The following LYPLAL1 variants were observed in gnomAD, a reference collection of about 807,000 sequenced individuals.
LYPLAL1 encodes lysophospholipase like 1.
LYPLAL1 carries 23 observed loss-of-function variants against 19.7 expected under a neutral mutation model. The observed-to-expected ratio is 1.17, with a 90% CI of 0.84 to 1.65. The LOEUF (loss-of-function observed/expected upper bound fraction) is 1.65, where lower values mean the gene tolerates loss of function less well. Among genes scored for constraint, LYPLAL1 ranks in the 40% most tolerant of loss-of-function variants. LYPLAL1 has a pLI of 0.00. For missense variants in LYPLAL1, 355 were observed against 279.4 expected, an observed-to-expected ratio of 1.27 and a Z score of -1.93; for synonymous variants, 119 against 96.3, an observed-to-expected ratio of 1.24 and a Z score of -1.38.
the LYPLAL1 span, among the ~76,000 whole-genome samples, chr1:219,348,214 T>C: frequency 6.6e-6 from 1 of 152,226 alleles, no homozygotes; most frequent in Non-Finnish European, 1.5e-5. Context: ...CAAACCCCAC[T>C]TCCACAGTGC....
chr1:219,402,807 G>C, the LYPLAL1 span, among the ~76,000 whole-genome samples: 1 of 152,120 alleles, frequency 6.6e-6, no homozygotes, highest in Non-Finnish European at 1.5e-5. Flanking sequence ...ATGTAATCGT[G>C]AGAATAAGGA....
chr1:219,298,766 T>C, the LYPLAL1 span, among the ~76,000 whole-genome samples: 5 of 152,242 alleles, frequency 3.3e-5, no homozygotes, highest in African/African-American at 1.2e-4. Context: ...CTTGAGGTCA[T>C]TCTTTCTTTT....
chr1:219,420,044 A>G, the LYPLAL1 span, among the ~76,000 whole-genome samples: 1 of 152,212 alleles, frequency 6.6e-6, no homozygotes, highest in Non-Finnish European at 1.5e-5. Context: ...TTTATTATCT[A>G]CAGAACTTGG....
chr1:219,256,364 T>C, the LYPLAL1 span, among the ~76,000 whole-genome samples: 1 of 151,960 alleles, frequency 6.6e-6, no homozygotes, highest in Admixed American at 6.6e-5. Context: ...TCTCTTATTA[T>C]ATTTTGAATA....
the LYPLAL1 span, among the ~76,000 whole-genome samples, chr1:219,243,842 C>T: frequency 6.7e-6 from 1 of 150,118 alleles, no homozygotes; most frequent in East Asian, 2.0e-4. Context: ...TCGCTTGAAC[C>T]TGGGAGGCAG....
At chr1:219,303,032 A>G in the LYPLAL1 span, among the ~76,000 whole-genome samples, 7 of 152,218 alleles carry the variant, frequency 4.6e-5, no homozygotes, top group Non-Finnish European at 8.8e-5. Context: ...AAATAGGTCT[A>G]TTCACTCTGT....
At chr1:219,280,024 C>G in the LYPLAL1 span, among the ~76,000 whole-genome samples, 1 of 152,142 alleles carries the variant, frequency 6.6e-6, no homozygotes, top group Non-Finnish European at 1.5e-5. Context: ...AACGTTTCAA[C>G]TTGTTTCACC....
chr1:219,252,108 T>C, the LYPLAL1 span, among the ~76,000 whole-genome samples: 1 of 152,140 alleles, frequency 6.6e-6, no homozygotes, highest in Non-Finnish European at 1.5e-5. Flanking sequence ...TTTATAGGAA[T>C]GCTACTGATT....
At chr1:219,386,280 G>A in the LYPLAL1 span, among the ~76,000 whole-genome samples, 8 of 152,158 alleles carry the variant, frequency 5.3e-5, no homozygotes, top group Non-Finnish European at 7.4e-5. Context: ...TTGGATTACT[G>A]TAGAGAAGAG....
the LYPLAL1 span, among the ~76,000 whole-genome samples, chr1:219,283,950 T>G: frequency 2.0e-5 from 3 of 152,180 alleles, no homozygotes. Flanking sequence ...GGTTTGGCTC[T>G]GTGTTCCCAC....
the LYPLAL1 span, among the ~76,000 whole-genome samples, chr1:219,358,196 C>T: frequency 6.6e-6 from 1 of 152,030 alleles, no homozygotes; most frequent in East Asian, 1.9e-4. Context: ...AGGATTGCAT[C>T]CAGAATGCTA....
chr1:219,219,279 C>T, the LYPLAL1 span, among the ~76,000 whole-genome samples: 1 of 152,146 alleles, frequency 6.6e-6, no homozygotes, highest in African/African-American at 2.4e-5. Flanking sequence ...GTTTTCTCTC[C>T]AGAAAGTTTT....
At chr1:219,375,732 C>T in the LYPLAL1 span, among the ~76,000 whole-genome samples, 5 of 146,688 alleles carry the variant, frequency 3.4e-5, no homozygotes, top group South Asian at 1.1e-3. Flanking sequence ...TTTTATGCTT[C>T]CTGATTTTTT....
At chr1:219,218,811 G>T in the LYPLAL1 span, among the ~76,000 whole-genome samples, 2 of 152,056 alleles carry the variant, frequency 1.3e-5, no homozygotes, top group Non-Finnish European at 2.9e-5. Context: ...ATGTAGCATT[G>T]AATTAAGACA....
chr1:219,305,885 A>G, the LYPLAL1 span, among the ~76,000 whole-genome samples: 1 of 152,202 alleles, frequency 6.6e-6, no homozygotes, highest in Non-Finnish European at 1.5e-5. Context: ...CTGAACTACA[A>G]TACTTCCATT....
the LYPLAL1 span, among the ~76,000 whole-genome samples, chr1:219,219,781 G>A: frequency 6.6e-6 from 1 of 152,132 alleles, no homozygotes; most frequent in Non-Finnish European, 1.5e-5. Flanking sequence ...TGGTACAGGA[G>A]CTGGGGCTCT....
intron 4 of LYPLAL1, among the ~76,000 whole-genome samples, chr1:219,211,067 T>C (rs376049977): frequency 6.6e-6 from 1 of 152,158 alleles, no homozygotes; most frequent in African/African-American, 2.4e-5. Context: ...GCTTCAATTA[T>C]AATGTTACAG....
the LYPLAL1 span, among the ~76,000 whole-genome samples, chr1:219,399,723 G>A: frequency 1.3e-5 from 2 of 152,124 alleles, no homozygotes; most frequent in Admixed American, 6.5e-5. Flanking sequence ...CACAGACAAG[G>A]TGGGGTCCCA....
the LYPLAL1 span, chr1:219,411,572 A>AT: frequency 6.6e-6 from 1 of 152,292 alleles, no homozygotes; most frequent in Non-Finnish European, 1.5e-5. Context: ...AGATAAGAGA[A>AT]TAAAAAGCAG....
Sources: gnomAD v4.1 joint callset for allele counts (sites outside exome capture counted in the v4.1 genomes callset) on GRCh38, gnomAD v4.1.1 for gene constraint, MANE v1.5 for transcripts, NCBI Gene and HGNC (gene_info 2026-07-23, HGNC 2026-07-21) for gene names.